CRACDL: variants seen among roughly 807,000 people sequenced by gnomAD.
The protein encoded by CRACDL is CRACD like.
Under a neutral mutation model 70.6 loss-of-function variants are expected in CRACDL, and 26 were observed. The ratio of observed to expected loss-of-function variants is 0.37; its 90% CI spans 0.27 to 0.51. The LOEUF is 0.51. Ranked by LOEUF, CRACDL falls within the 20% of genes least tolerant of loss-of-function variation. The probability of loss-of-function intolerance (pLI) is 0.94; values close to 1 mark genes in which losing one functional copy is unlikely to be tolerated. For synonymous variants in CRACDL, 618 were observed against 615.2 expected, an observed-to-expected ratio of 1.00 and a Z score of -0.07; for missense variants, 1,283 against 1,376.9, an observed-to-expected ratio of 0.93 and a Z score of 1.08.
chr2:98,842,515 A>G (rs943361105), intron 2 of CRACDL, among the ~76,000 whole-genome samples: 6 of 152,112 alleles, frequency 3.9e-5, no homozygotes, highest in African/African-American at 1.4e-4. Flanking sequence ...TATAATTATC[A>G]CCACAATCAA....
At chr2:98,848,880 C>T (rs935177686) in intron 1 of CRACDL, among the ~76,000 whole-genome samples, 4 of 152,218 alleles carry the variant, frequency 2.6e-5, no homozygotes, top group Non-Finnish European at 5.9e-5. Context: ...TAAGCCACTG[C>T]ACCCAGCAGA....
chr2:98,882,889 T>C (rs1049796049), intron 1 of CRACDL, among the ~76,000 whole-genome samples: 2 of 152,240 alleles, frequency 1.3e-5, no homozygotes, highest in Admixed American at 6.5e-5. Flanking sequence ...AAGCAGCATC[T>C]GTTTGTTGTG....
intron 1 of CRACDL, among the ~76,000 whole-genome samples, chr2:98,880,768 C>A (rs1255797792): frequency 1.3e-5 from 2 of 152,176 alleles, no homozygotes; most frequent in East Asian, 3.9e-4. Flanking sequence ...CCCAATGGGT[C>A]CCGAGGGAAG....
At chr2:98,894,130 A>G (rs1263941865) in intron 1 of CRACDL, among the ~76,000 whole-genome samples, 1 of 152,220 alleles carries the variant, frequency 6.6e-6, no homozygotes, top group Non-Finnish European at 1.5e-5. Context: ...CGCTGGCTAT[A>G]TAGTTCGAAT....
chr2:98,884,219 G>A (rs879700035), intron 1 of CRACDL, among the ~76,000 whole-genome samples: 3 of 152,334 alleles, frequency 2.0e-5, no homozygotes, highest in Non-Finnish European at 2.9e-5. Flanking sequence ...GAGTCCAAGA[G>A]GGAGCCTGGA....
At chr2:98,834,152 C>A (rs1705667689) in intron 3 of CRACDL, among the ~76,000 whole-genome samples, 1 of 152,202 alleles carries the variant, frequency 6.6e-6, no homozygotes, top group Non-Finnish European at 1.5e-5. Flanking sequence ...GTGGACAGCC[C>A]ATGGCCCACA....
At chr2:98,844,486 G>A (rs566062750) in intron 2 of CRACDL, among the ~76,000 whole-genome samples, 9 of 152,136 alleles carry the variant, frequency 5.9e-5, no homozygotes, top group Non-Finnish European at 1.3e-4. Flanking sequence ...CTTTTCATAA[G>A]GACACCCATC....
chr2:98,845,519 A>G (rs569818726), intron 2 of CRACDL, among the ~76,000 whole-genome samples: 1 of 152,074 alleles, frequency 6.6e-6, no homozygotes, highest in African/African-American at 2.4e-5. Flanking sequence ...TTCTGGCCTT[A>G]TTATTTCTTA....
At chr2:98,879,361 G>T (rs1036519315) in intron 1 of CRACDL, among the ~76,000 whole-genome samples, 3 of 152,042 alleles carry the variant, frequency 2.0e-5, no homozygotes, top group Admixed American at 6.6e-5. Context: ...GATTTTCTTT[G>T]AACTGTTTCA....
At chr2:98,802,486 T>C (rs1704120074) in intron 7 of CRACDL, among the ~76,000 whole-genome samples, 2 of 152,270 alleles carry the variant, frequency 1.3e-5, no homozygotes, top group South Asian at 4.1e-4. Flanking sequence ...GCTATTTGTA[T>C]TCGGGAAGAT....
chr2:98,935,725 A>G (rs1376253752), intron 1 of CRACDL, among the ~76,000 whole-genome samples: 2 of 152,176 alleles, frequency 1.3e-5, no homozygotes, highest in Non-Finnish European at 2.9e-5. Context: ...CACTTGCACG[A>G]GCGCGTCCGG....
chr2:98,869,176 GAA>G (rs1472960329), intron 1 of CRACDL: 8 of 1,304,344 alleles, frequency 6.1e-6, no homozygotes, highest in Non-Finnish European at 8.1e-6. Flanking sequence ...GCAGCAGGGA[GAA>G]GAGTGGGCCT....
intron 7 of CRACDL, among the ~76,000 whole-genome samples, chr2:98,800,891 C>G (rs1487697037): frequency 6.6e-6 from 1 of 152,206 alleles, no homozygotes; most frequent in South Asian, 2.1e-4. Flanking sequence ...AGAAGGGTCA[C>G]CTGCTGCTGC....
intron 1 of CRACDL, among the ~76,000 whole-genome samples, chr2:98,889,283 G>GAA (rs1379930188): frequency 7.7e-5 from 10 of 129,766 alleles, no homozygotes; most frequent in African/African-American, 2.1e-4. Flanking sequence ...CAGAAAAAGA[G>GAA]AGAGAAAGAA....
intron 1 of CRACDL, among the ~76,000 whole-genome samples, chr2:98,914,048 T>C (rs955717340): frequency 6.6e-5 from 10 of 152,210 alleles, no homozygotes; most frequent in African/African-American, 2.4e-4. Context: ...GGCTAAGCAA[T>C]CACCTCTGCA....
intron 1 of CRACDL, among the ~76,000 whole-genome samples, chr2:98,856,571 T>C (rs931836826): frequency 1.3e-5 from 2 of 152,216 alleles, no homozygotes; most frequent in Non-Finnish European, 2.9e-5. Context: ...GACAGTGTAA[T>C]TGAATATTTC....
intron 1 of CRACDL, among the ~76,000 whole-genome samples, chr2:98,860,937 A>C (rs527565311): frequency 6.6e-6 from 1 of 152,372 alleles, no homozygotes; most frequent in East Asian, 1.9e-4. Flanking sequence ...AAACAGACAA[A>C]GGATTTGAAC....
intron 1 of CRACDL, among the ~76,000 whole-genome samples, chr2:98,914,329 T>C (rs1708617057): frequency 1.3e-5 from 2 of 152,100 alleles, no homozygotes; most frequent in African/African-American, 2.4e-5. Flanking sequence ...CACAGGCCTG[T>C]TTCCTGGGCT....
At chr2:98,896,682 G>A (rs1055665834) in intron 1 of CRACDL, among the ~76,000 whole-genome samples, 2 of 152,186 alleles carry the variant, frequency 1.3e-5, no homozygotes, top group African/African-American at 4.8e-5. Context: ...CGTCTGGAGG[G>A]AGGGCTGGGG....
Sources: gnomAD v4.1 joint callset for allele counts (sites outside exome capture counted in the v4.1 genomes callset) on GRCh38, gnomAD v4.1.1 for gene constraint, MANE v1.5 for transcripts, NCBI Gene and HGNC (gene_info 2026-07-23, HGNC 2026-07-21) for gene names.